Variants in DLG2 observed in about 807,000 individuals in gnomAD.
DLG2 encodes the protein discs large MAGUK scaffold protein 2.
DLG2 carries 45 observed loss-of-function variants against 132.5 expected under a neutral mutation model. The ratio of observed to expected loss-of-function variants is 0.34; its 90% CI spans 0.27 to 0.44. The LOEUF is 0.44. DLG2 is among the 20% of genes least tolerant of loss of function. DLG2 has a pLI of 1.00. For synonymous variants in DLG2, 424 were observed against 419.6 expected (o/e 1.01, Z -0.13); for missense variants, 1,045 against 1,196.9 (o/e 0.87, Z 1.87).
At chr11:84,564,245 G>A (rs2099440794) in intron 6 of DLG2, among the ~76,000 whole-genome samples, 1 of 152,170 alleles carries the variant, frequency 6.6e-6, no homozygotes, top group Non-Finnish European at 1.5e-5. Context: ...TTATAGGCAT[G>A]AGTTGCCTCT....
At chr11:85,271,326 G>C (rs1370557513) in intron 4 of DLG2, among the ~76,000 whole-genome samples, 1 of 152,224 alleles carries the variant, frequency 6.6e-6, no homozygotes, top group Non-Finnish European at 1.5e-5. Flanking sequence ...AGGATGTGTG[G>C]AAACATCTGA....
chr11:85,407,377 C>T (rs1030090489), intron 3 of DLG2, among the ~76,000 whole-genome samples: 1 of 151,890 alleles, frequency 6.6e-6, no homozygotes, highest in East Asian at 1.9e-4. Flanking sequence ...ATGGTTAAAA[C>T]TTAGGCTCTG....
intron 5 of DLG2, among the ~76,000 whole-genome samples, chr11:85,126,530 C>T (rs566621837): frequency 2.0e-5 from 3 of 152,052 alleles, no homozygotes; most frequent in Non-Finnish European, 4.4e-5. Flanking sequence ...TCTCTTTCTA[C>T]ACAAAAAGGT....
At chr11:85,439,392 C>T (rs1339786376) in intron 3 of DLG2, among the ~76,000 whole-genome samples, 1 of 149,456 alleles carries the variant, frequency 6.7e-6, no homozygotes, top group East Asian at 1.9e-4. Context: ...GACAGCCTCG[C>T]TCTGTCGCCC....
chr11:84,303,296 G>T (rs1471415564), intron 7 of DLG2, among the ~76,000 whole-genome samples: 2 of 152,202 alleles, frequency 1.3e-5, no homozygotes, highest in African/African-American at 4.8e-5. Flanking sequence ...GAATGTCATG[G>T]ATAACTAACT....
At chr11:84,910,085 T>G (rs1262845492) in intron 6 of DLG2, among the ~76,000 whole-genome samples, 1 of 152,180 alleles carries the variant, frequency 6.6e-6, no homozygotes, top group Non-Finnish European at 1.5e-5. Context: ...TGCAGTGGAC[T>G]GGAAGGAAGG....
intron 2 of DLG2, among the ~76,000 whole-genome samples, chr11:85,605,404 A>C (rs981097516): frequency 6.6e-6 from 1 of 152,252 alleles, no homozygotes; most frequent in African/African-American, 2.4e-5. Flanking sequence ...TTTAGAATCT[A>C]GGGTTAAATG....
At chr11:83,898,546 T>C (rs1400735257) in intron 15 of DLG2, among the ~76,000 whole-genome samples, 1 of 152,084 alleles carries the variant, frequency 6.6e-6, no homozygotes, top group East Asian at 1.9e-4. Context: ...ATCAAATACA[T>C]TAAAGGACTG....
chr11:85,034,318 C>T (rs546735913), intron 6 of DLG2, among the ~76,000 whole-genome samples: 2 of 152,120 alleles, frequency 1.3e-5, no homozygotes, highest in African/African-American at 4.8e-5. Flanking sequence ...CCTCGTGATC[C>T]GCCTGCCTCG....
At chr11:84,526,832 G>A (rs981697802) in intron 7 of DLG2, among the ~76,000 whole-genome samples, 39 of 141,258 alleles carry the variant, frequency 2.8e-4, no homozygotes, top group African/African-American at 1.0e-3. Context: ...AGGCTGGAGT[G>A]CAGTGGCGCA....
intron 6 of DLG2, among the ~76,000 whole-genome samples, chr11:84,791,318 G>A (rs2073815005): frequency 6.6e-6 from 1 of 152,090 alleles, no homozygotes; most frequent in African/African-American, 2.4e-5. Context: ...TGCTTTTATG[G>A]CAGTACCGTG....
At chr11:84,741,942 T>A (rs2064736551) in intron 6 of DLG2, among the ~76,000 whole-genome samples, 1 of 152,002 alleles carries the variant, frequency 6.6e-6, no homozygotes, top group African/African-American at 2.4e-5. Flanking sequence ...TTTTAGGATT[T>A]GAATGAGAAA....
intron 6 of DLG2, among the ~76,000 whole-genome samples, chr11:84,658,331 T>A (rs2099690648): frequency 6.6e-6 from 1 of 152,122 alleles, no homozygotes; most frequent in African/African-American, 2.4e-5. Context: ...GATGAAATGT[T>A]TGTATCCCTG....
At chr11:83,877,766 T>C (rs2065138238) in intron 15 of DLG2, among the ~76,000 whole-genome samples, 1 of 152,186 alleles carries the variant, frequency 6.6e-6, no homozygotes, top group African/African-American at 2.4e-5. Context: ...TCAAGACCTG[T>C]GGACACAAAT....
chr11:85,515,278 T>C (rs1031438457), intron 3 of DLG2, among the ~76,000 whole-genome samples: 7 of 151,930 alleles, frequency 4.6e-5, no homozygotes, highest in Non-Finnish European at 7.4e-5. Flanking sequence ...ATTAATGGAA[T>C]ATGAGTTCTC....
intron 3 of DLG2, among the ~76,000 whole-genome samples, chr11:85,388,791 A>G (rs1248872429): frequency 6.6e-6 from 1 of 152,176 alleles, no homozygotes; most frequent in Admixed American, 6.5e-5. Context: ...CATCCCTAGG[A>G]GAAACGGGAG....
chr11:84,215,210 T>A (rs1214247003), intron 8 of DLG2, among the ~76,000 whole-genome samples: 1 of 152,214 alleles, frequency 6.6e-6, no homozygotes, highest in African/African-American at 2.4e-5. Flanking sequence ...AAAATCATAC[T>A]CTGAATTTTC....
At chr11:84,099,820 G>T (rs1427732675) in intron 9 of DLG2, among the ~76,000 whole-genome samples, 1 of 113,708 alleles carries the variant, frequency 8.8e-6, no homozygotes, top group African/African-American at 3.6e-5. Flanking sequence ...TATCTAAAGA[G>T]ATATATATAT....
At chr11:84,093,027 C>G (rs1190832437) in intron 10 of DLG2, among the ~76,000 whole-genome samples, 5 of 143,266 alleles carry the variant, frequency 3.5e-5, no homozygotes, top group Non-Finnish European at 7.5e-5. Flanking sequence ...CAGAGTGAGT[C>G]TCCGTCAAAA....
Sources: allele counts gnomAD v4.1 joint callset (sites outside exome capture counted in the v4.1 genomes callset), GRCh38; gene constraint gnomAD v4.1.1; transcripts MANE v1.5; gene names NCBI Gene and HGNC (gene_info 2026-07-23, HGNC 2026-07-21).